Variants in ERICH6 observed in about 807,000 individuals in gnomAD.
ERICH6 encodes the protein glutamate-rich protein 6.
In ERICH6, 71 loss-of-function variants were observed where a neutral mutation model predicts 71.0. The ratio of observed to expected loss-of-function variants is 1.00; its 90% CI spans 0.83 to 1.22. The LOEUF (loss-of-function observed/expected upper bound fraction) is 1.22. ERICH6 is among the 50% of genes most tolerant of loss of function. ERICH6 has a pLI of 0.00. For synonymous variants in ERICH6, 262 were observed against 278.4 expected (o/e 0.94, Z 0.59); for missense variants, 808 against 797.2 (o/e 1.01, Z -0.16).
At chr3:150,670,567 A>T (rs1056394265) in intron 11 of ERICH6, among the ~76,000 whole-genome samples, 3 of 152,072 alleles carry the variant, frequency 2.0e-5, no homozygotes, top group Non-Finnish European at 2.9e-5. Context: ...TGGAAAGGGA[A>T]GTAAAACTGT....
chr3:150,667,842 C>T (rs1333477675), intron 12 of ERICH6, among the ~76,000 whole-genome samples: 1 of 152,098 alleles, frequency 6.6e-6, no homozygotes, highest in East Asian at 1.9e-4. Context: ...GCCATGGGGA[C>T]CCCTAGCTAA....
intron 7 of ERICH6, 94 bp from the exon 8 acceptor site, chr3:150,681,024 A>G: frequency 1.5e-6 from 2 of 1,313,072 alleles, no homozygotes; most frequent in East Asian, 2.4e-5. Context: ...ATAACAATCC[A>G]TCATAAGTTT....
chr3:150,679,790 T>C (rs1167270308), intron 9 of ERICH6, among the ~76,000 whole-genome samples: 1 of 152,160 alleles, frequency 6.6e-6, no homozygotes, highest in East Asian at 1.9e-4. Context: ...CCCGAGTAGC[T>C]GAGATTACAG....
intron 3 of ERICH6, among the ~76,000 whole-genome samples, chr3:150,690,053 TGA>T (rs1712362151): frequency 6.6e-6 from 1 of 152,218 alleles, no homozygotes; most frequent in Non-Finnish European, 1.5e-5. Context: ...TGTAAAAATA[TGA>T]TGTGGTCTAG....
intron 12 of ERICH6, among the ~76,000 whole-genome samples, chr3:150,667,845 CT>C (rs1348000859): frequency 1.3e-5 from 2 of 152,132 alleles, no homozygotes; most frequent in Non-Finnish European, 2.9e-5. Context: ...ATGGGGACCC[CT>C]AGCTAACATC....
At position 150,688,633 on chromosome 3, in the gene ERICH6, G is replaced by A. The variant is rs552869371; in HGVS notation, c.554-2279C>T. 5.9e-5 allele frequency among the ~76,000 whole-genome samples: 9 copies of A among 152,288 alleles called. 1 individual carries two copies. Among genetic ancestry groups the A allele is most frequent in the African/African-American group, 1.9e-4 (8 of 41,570 alleles). On this transcript the variant is annotated intron_variant, in intron 3 of 13. Coordinates refer to ENST00000295910, the MANE Select transcript of ERICH6 (RefSeq NM_152394.5). ...TGCCTCCCATTCTATTCAATGTCAC[G>A]CCTCTGCTCACTGAGATTAATGCAT...
chr3:150,689,244 T>TC (rs397744584), intron 3 of ERICH6, among the ~76,000 whole-genome samples: 2 of 152,244 alleles, frequency 1.3e-5, no homozygotes, highest in Non-Finnish European at 1.5e-5. Flanking sequence ...GTCATTTTTT[T>TC]CCTGCTTCCA....
At chr3:150,660,219 G>T (rs192768131) in intron 13 of ERICH6, 64 bp from the exon 14 acceptor site, 8 of 1,560,426 alleles carry the variant, frequency 5.1e-6, no homozygotes, top group Non-Finnish European at 6.9e-6. Context: ...GAGGTGGGAG[G>T]AGCTGAGTCA....
chr3:150,696,757 C>T (rs1403522593), intron 3 of ERICH6, among the ~76,000 whole-genome samples: 1 of 151,912 alleles, frequency 6.6e-6, no homozygotes, highest in Admixed American at 6.6e-5. Flanking sequence ...AACAGACTGT[C>T]AAAAATTTAA....
At chr3:150,670,247 G>C (rs952085553) in intron 11 of ERICH6, among the ~76,000 whole-genome samples, 2 of 152,004 alleles carry the variant, frequency 1.3e-5, no homozygotes, top group African/African-American at 4.8e-5. Context: ...CACTTGGGGA[G>C]GCTGAGGCGG....
intron 13 of ERICH6, among the ~76,000 whole-genome samples, chr3:150,660,589 C>T (rs1421771214): frequency 1.3e-5 from 2 of 152,126 alleles, no homozygotes; most frequent in Non-Finnish European, 2.9e-5. Flanking sequence ...CTTTCCTGCT[C>T]CTAAATGTGC....
chr3:150,699,668 G>A (rs1222627215), intron 2 of ERICH6, among the ~76,000 whole-genome samples: 3 of 146,286 alleles, frequency 2.1e-5, no homozygotes, highest in African/African-American at 5.1e-5. Context: ...AAAATAATAC[G>A]AAGAACAAAG....
At chr3:150,672,264 C>CATACATATATATATATATAT (rs770361826) in intron 11 of ERICH6, among the ~76,000 whole-genome samples, 16 of 123,620 alleles carry the variant, frequency 1.3e-4, no homozygotes, top group Admixed American at 4.1e-4. Flanking sequence ...TTTATATATA[C>CATACATATATATATATATAT]ATATATATAT....
intron 2 of ERICH6, among the ~76,000 whole-genome samples, chr3:150,700,171 T>C (rs1180253396): frequency 6.6e-6 from 1 of 151,224 alleles, no homozygotes; most frequent in Admixed American, 6.6e-5. Flanking sequence ...TCCTCCAAGG[T>C]TCACACCATT....
At chr3:150,681,704 A>C (rs1559915568) in intron 7 of ERICH6, among the ~76,000 whole-genome samples, 1 of 151,198 alleles carries the variant, frequency 6.6e-6, no homozygotes, top group Non-Finnish European at 1.5e-5. Flanking sequence ...CTTTATCAAC[A>C]CTTGTTATTA....
intron 13 of ERICH6, among the ~76,000 whole-genome samples, chr3:150,664,338 T>A (rs2108037501): frequency 6.6e-6 from 1 of 152,258 alleles, no homozygotes; most frequent in South Asian, 2.1e-4. Flanking sequence ...TTATCTAATT[T>A]TTATGTTTTA....
chr3:150,663,061 C>G (rs1386749034), intron 13 of ERICH6, among the ~76,000 whole-genome samples: 1 of 152,148 alleles, frequency 6.6e-6, no homozygotes, highest in African/African-American at 2.4e-5. Context: ...AGGGCCTTGG[C>G]TTTTACTCGA....
chr3:150,698,719 C>A (rs1712747259), intron 3 of ERICH6, 72 bp downstream of exon 3: 5 of 1,249,822 alleles, frequency 4.0e-6, no homozygotes, highest in South Asian at 3.6e-5. Context: ...GCTGTACTGG[C>A]CTTCTACACC....
At chr3:150,661,383 C>T (rs1342177448) in intron 13 of ERICH6, among the ~76,000 whole-genome samples, 3 of 152,144 alleles carry the variant, frequency 2.0e-5, no homozygotes, top group African/African-American at 7.2e-5. Context: ...GCCTTCTACC[C>T]CTTAGCATCT....
Sources: gnomAD v4.1 joint callset for allele counts (sites outside exome capture counted in the v4.1 genomes callset) on GRCh38, gnomAD v4.1.1 for gene constraint, MANE v1.5 for transcripts, NCBI Gene and HGNC (gene_info 2026-07-23, HGNC 2026-07-21) for gene names.